The following TNKS variants were observed in gnomAD, a reference collection of about 807,000 sequenced individuals.
TNKS encodes poly [ADP-ribose] polymerase tankyrase-1.
TNKS carries 72 observed loss-of-function variants against 135.8 expected under a neutral mutation model. The ratio of observed to expected loss-of-function variants is 0.53; its 90% CI spans 0.44 to 0.64. TNKS has a LOEUF of 0.64. Among genes scored for constraint, TNKS ranks in the 30% least tolerant of loss-of-function variants. The pLI is 0.00. For missense variants in TNKS, 1,769 were observed against 1,674.0 expected (o/e 1.06, Z -0.99); for synonymous variants, 849 against 649.3 (o/e 1.31, Z -4.68).
chr8:9,748,147 C>G lies in TNKS; in HGVS notation c.2767C>G (p.Leu923Val), dbSNP rs199759393. 6.2e-7 allele frequency: 1 copy of G among 1,614,018 alleles called. No homozygotes were observed. The highest frequency in any genetic ancestry group is 8.5e-7 in the Non-Finnish European group (1 of 1,180,022). Residue 923 changes from leucine (L) to valine (V), a missense_variant, in exon 18 of 27, where the codon CTA becomes GTA. Leu to Val is a conservative substitution (Grantham distance 32). This residue lies in a region of TNKS where 722 missense variants were observed against 688.9 expected (regional missense o/e 1.05). Coordinates refer to ENST00000310430, the MANE Select transcript of TNKS (RefSeq NM_003747.3). ...AAGGACGCAGCTGTGCGCCCTCCTC[C>G]TAGCGCATGGTGCAGACCCCACCAT... The part of the protein sequence containing the change: ...KGRTQLCALL[L>V]AHGADPTMKN...
chr8:9,602,915 G>A (rs947723421), intron 2 of TNKS, among the ~76,000 whole-genome samples: 1 of 152,032 alleles, frequency 6.6e-6, no homozygotes, highest in Non-Finnish European at 1.5e-5. Flanking sequence ...TTGAAACAAC[G>A]TTTTCATGAT....
At chr8:9,721,313 A>AT (rs1804872482) in intron 12 of TNKS, among the ~76,000 whole-genome samples, 1 of 35,892 alleles carries the variant, frequency 2.8e-5, no homozygotes, top group Non-Finnish European at 8.0e-5. Flanking sequence ...TATATATATA[A>AT]AATTATAAAA....
At chr8:9,761,267 T>C (rs1014200723) in intron 20 of TNKS, among the ~76,000 whole-genome samples, 1 of 152,212 alleles carries the variant, frequency 6.6e-6, no homozygotes, top group African/African-American at 2.4e-5. Flanking sequence ...ATTTTGTATT[T>C]CTATAGTATT....
intron 3 of TNKS, among the ~76,000 whole-genome samples, chr8:9,656,865 A>G (rs938989523): frequency 5.8e-5 from 8 of 137,642 alleles, no homozygotes; most frequent in African/African-American, 1.9e-4. Context: ...AACAAAGCAC[A>G]TCTTGCACCG....
chr8:9,774,279 A>G (rs528884310), intron 26 of TNKS, among the ~76,000 whole-genome samples: 77 of 152,330 alleles, frequency 5.1e-4, no homozygotes, highest in Non-Finnish European at 8.1e-4. Flanking sequence ...TTAACCTGGA[A>G]AAGAAAAGAC....
intron 5 of TNKS, among the ~76,000 whole-genome samples, chr8:9,689,633 C>G (rs1480806590): frequency 6.6e-6 from 1 of 152,214 alleles, no homozygotes; most frequent in Non-Finnish European, 1.5e-5. Flanking sequence ...GGGCAGGGAA[C>G]AGAACTAGAC....
chr8:9,731,290 G>A (rs1289206431), intron 14 of TNKS, among the ~76,000 whole-genome samples: 1 of 151,860 alleles, frequency 6.6e-6, no homozygotes, highest in Admixed American at 6.6e-5. Context: ...GTGAAACTCT[G>A]TCTCTATTAA....
In TNKS at chr8:9,780,277, C is replaced by A. The variant is rs1305936452; in HGVS notation, c.*3541C>A. 6.6e-6 allele frequency: 1 copy of A among 151,924 alleles called. No homozygotes were observed. The highest frequency in any genetic ancestry group is 1.5e-5 in the Non-Finnish European group (1 of 68,012). The allele number at this position is 151,924 out of a possible 1,614,324, so 9.4% of individuals were successfully genotyped here. On this transcript the variant is annotated 3_prime_UTR_variant, in exon 27 of 27. Transcript: ENST00000310430. ...AGAAGTGGTGTGTATTTTCAAGCAC[C>A]TTTCCCCCATTGTATCCGAATCCCT... is the stretch of plus-strand genomic sequence containing the variant.
At chr8:9,685,956 T>C (rs546831263) in intron 5 of TNKS, among the ~76,000 whole-genome samples, 2 of 152,282 alleles carry the variant, frequency 1.3e-5, no homozygotes, top group East Asian at 3.9e-4. Context: ...CAGTATAACT[T>C]TTTTCCAAAT....
chr8:9,577,259 G>C (rs555616239), intron 1 of TNKS, among the ~76,000 whole-genome samples: 1 of 152,156 alleles, frequency 6.6e-6, no homozygotes, highest in South Asian at 2.1e-4. Flanking sequence ...CTACTACTTT[G>C]AGGCATTTAT....
chr8:9,578,058 A>G (rs972597493), intron 1 of TNKS, among the ~76,000 whole-genome samples: 3 of 152,084 alleles, frequency 2.0e-5, no homozygotes, highest in African/African-American at 4.8e-5. Flanking sequence ...CCTTGACTCC[A>G]CGGCTCACAT....
At position 9,556,287 on chromosome 8, in the gene TNKS, C is replaced by A. The variant is rs1314180985; in HGVS notation, c.348C>A (p.Val116=). The A allele has an allele frequency of 3.1e-6, 5 of 1,614,242 alleles. No individual in the cohort carries two copies. The South Asian group carries it at 5.5e-5, about 18-fold the overall frequency. Residue 116 remains valine (V), a synonymous_variant, in exon 1 of 27, where the codon GTC becomes GTA. Transcript: ENST00000310430. The part of the protein sequence containing the change: ...PAVSTSSAAG[V]APNPAGSGSN... Reference sequence around the variant, plus strand: ...TTTCTACTTCATCTGCCGCTGGGGTCGCTCCCAACCCAGCCGGCAGTGGCA... The same window carrying A: ...TTTCTACTTCATCTGCCGCTGGGGTAGCTCCCAACCCAGCCGGCAGTGGCA...
At chr8:9,578,184 A>G (rs1293897884) in intron 1 of TNKS, among the ~76,000 whole-genome samples, 1 of 152,204 alleles carries the variant, frequency 6.6e-6, no homozygotes, top group Admixed American at 6.5e-5. Context: ...GATTAGGGAA[A>G]TGGAAGTTTG....
chr8:9,745,656 C>T (rs868663610), intron 17 of TNKS, among the ~76,000 whole-genome samples: 4 of 152,214 alleles, frequency 2.6e-5, no homozygotes, highest in South Asian at 4.1e-4. Flanking sequence ...CTGCTGGCCT[C>T]GGCCTCCCAA....
intron 20 of TNKS, among the ~76,000 whole-genome samples, chr8:9,753,599 G>T (rs539017604): frequency 1.7e-4 from 26 of 152,156 alleles, no homozygotes; most frequent in Non-Finnish European, 1.5e-5. Context: ...TTTAAATATT[G>T]AATGATGGTA....
chr8:9,748,325 ATCT>A (rs1806344016), intron 18 of TNKS, 113 bp downstream of exon 18: 4 of 987,908 alleles, frequency 4.0e-6, no homozygotes, highest in African/African-American at 3.4e-5. Flanking sequence ...TAGAACAGAG[ATCT>A]TCTGAAAATT....
At chr8:9,672,243 A>G (rs539793339) in intron 3 of TNKS, among the ~76,000 whole-genome samples, 1 of 152,170 alleles carries the variant, frequency 6.6e-6, no homozygotes, top group Non-Finnish European at 1.5e-5. Context: ...GAAAAAACAT[A>G]TATAGGGTAG....
At chr8:9,640,403 A>G (rs1365506309) in intron 3 of TNKS, among the ~76,000 whole-genome samples, 2 of 138,622 alleles carry the variant, frequency 1.4e-5, no homozygotes, top group African/African-American at 5.4e-5. Flanking sequence ...GGGGATTTTT[A>G]ACATATGAAC....
At chr8:9,672,553 T>C (rs571626134) in intron 3 of TNKS, among the ~76,000 whole-genome samples, 29 of 150,368 alleles carry the variant, frequency 1.9e-4, no homozygotes, top group South Asian at 4.2e-4. Flanking sequence ...ACCTGTGATA[T>C]AGAACAAAAT....
Sources: allele counts gnomAD v4.1 joint callset (sites outside exome capture counted in the v4.1 genomes callset), GRCh38; gene constraint gnomAD v4.1.1; regional missense constraint gnomAD v4.1.1; transcripts MANE v1.5; gene names NCBI Gene and HGNC (gene_info 2026-07-23, HGNC 2026-07-21).